The following SLCO4C1 variants were observed in gnomAD, a reference collection of about 807,000 sequenced individuals.
SLCO4C1 encodes the protein organic anion transporter M1.
SLCO4C1 carries 58 observed loss-of-function variants against 72.1 expected under a neutral mutation model. The ratio of observed to expected loss-of-function variants is 0.80; its 90% CI spans 0.65 to 1.00. SLCO4C1 has a LOEUF of 1.00. SLCO4C1 is among the 50% of genes least tolerant of loss of function. The pLI is 0.00. For synonymous variants in SLCO4C1, 297 were observed against 312.5 expected (o/e 0.95, Z 0.52); for missense variants, 898 against 857.9 (o/e 1.05, Z -0.58).
At chr5:102,268,697 GT>G (rs1749091738) in intron 3 of SLCO4C1, among the ~76,000 whole-genome samples, 1 of 152,046 alleles carries the variant, frequency 6.6e-6, no homozygotes, top group Admixed American at 6.6e-5. Context: ...GTTTCCTGTA[GT>G]GATAACATTT....
intron 8 of SLCO4C1, among the ~76,000 whole-genome samples, chr5:102,251,301 G>C (rs1456166254): frequency 6.6e-6 from 1 of 152,194 alleles, no homozygotes; most frequent in Non-Finnish European, 1.5e-5. Flanking sequence ...GTATGAATTT[G>C]AAGAAAGGGG....
intron 2 of SLCO4C1, among the ~76,000 whole-genome samples, chr5:102,273,037 T>G (rs1047939366): frequency 1.4e-4 from 21 of 152,210 alleles, no homozygotes; most frequent in Admixed American, 2.6e-4. Flanking sequence ...GTATCATGTT[T>G]TGTTCTATAA....
chr5:102,246,564 A>T (rs183070015), intron 10 of SLCO4C1, among the ~76,000 whole-genome samples: 1 of 152,312 alleles, frequency 6.6e-6, no homozygotes, highest in African/African-American at 2.4e-5. Flanking sequence ...GAAAAGCCAA[A>T]GCTACTCTAA....
At chr5:102,264,295 TGCAGTAGAATTAAATTGA>T (rs1748995402) in intron 3 of SLCO4C1, among the ~76,000 whole-genome samples, 1 of 152,238 alleles carries the variant, frequency 6.6e-6, no homozygotes, top group East Asian at 1.9e-4. Flanking sequence ...TATTTTTACT[TGCAGTAGAATTAAATTGA>T]GCTTATTTCT....
rs1347093256 is a variant in SLCO4C1 at position 102,288,976 on chromosome 5, C to T, written c.619+2367G>A. Among the ~76,000 whole-genome samples, 3 of 152,174 alleles carry T rather than the reference C, an allele frequency of 2.0e-5. No individual in the cohort carries two copies. In the East Asian group the frequency reaches 5.8e-4, roughly 29 times the overall value. ...CATGGAACTGTTTTACTGGTGTTAT[C>T]TCAACACCATGTGTAGTCCATATCA... On this transcript the variant is annotated intron_variant, in intron 2 of 12. Coordinates refer to ENST00000310954, the MANE Select transcript of SLCO4C1 (RefSeq NM_180991.5).
Position 102,270,767 on chromosome 5 carries a change from G to A in SLCO4C1, c.659C>T (p.Ser220Phe), listed in dbSNP as rs769399508. 5.0e-6 allele frequency: 8 copies of A among 1,611,170 alleles called. No individual in the cohort carries two copies. The highest frequency in any genetic ancestry group is 6.8e-6 in the Non-Finnish European group (8 of 1,178,574). ...GTAGTTAGAAAGTGAAGAAGTTGAA[G>A]ATGTACAACTGGTGCTATTCCTTGT... Reference protein sequence around the residue: ...VTTRNSTSCTSSTSSLSNYLY... With the variant: ...VTTRNSTSCTFSTSSLSNYLY... Residue 220 changes from serine (S) to phenylalanine (F), a missense_variant, in exon 3 of 13, where the codon TCT becomes TTT. Coordinates refer to ENST00000310954, the MANE Select transcript of SLCO4C1 (RefSeq NM_180991.5).
intron 1 of SLCO4C1, among the ~76,000 whole-genome samples, chr5:102,295,596 C>T (rs1749633781): frequency 6.6e-6 from 1 of 152,196 alleles, no homozygotes. Flanking sequence ...TATACCTTTC[C>T]CAAAGGAAGG....
intron 1 of SLCO4C1, among the ~76,000 whole-genome samples, chr5:102,295,108 C>T (rs529727629): frequency 1.3e-5 from 2 of 152,184 alleles, no homozygotes; most frequent in Non-Finnish European, 2.9e-5. Flanking sequence ...GTATTGAACA[C>T]ACCAGAAGCA....
At chr5:102,284,203 CA>C (rs1749407608) in intron 2 of SLCO4C1, among the ~76,000 whole-genome samples, 1 of 151,922 alleles carries the variant, frequency 6.6e-6, no homozygotes, top group Admixed American at 6.6e-5. Context: ...CAGAGAATCC[CA>C]AATTGCCTTT....
In SLCO4C1 at chr5:102,270,669, A is replaced by G; in HGVS notation, c.757T>C (p.Phe253Leu). 2 of 1,613,144 alleles carry G rather than the reference A, an allele frequency of 1.2e-6. No homozygotes were observed. Among genetic ancestry groups the G allele is most frequent in the East Asian group, 4.5e-5 (2 of 44,828 alleles). Residue 253 changes from phenylalanine to leucine, a missense_variant, in exon 3 of 13, where the codon TTT (phenylalanine) becomes CTT (leucine). Phe to Leu is a conservative substitution (Grantham distance 22). Coordinates refer to ENST00000310954, the MANE Select transcript of SLCO4C1 (RefSeq NM_180991.5). ...TGTGTGGGCACAGAATCATCAAGAAAGGCTGTTCCCAGAGTATAAAGAGGA... is the reference window on the plus strand; with the variant it reads ...TGTGTGGGCACAGAATCATCAAGAAGGGCTGTTCCCAGAGTATAAAGAGGA... ...GTPLYTLGTA[F>L]LDDSVPTHKS...
chr5:102,251,468 T>C (rs1247180235), intron 8 of SLCO4C1, among the ~76,000 whole-genome samples: 2 of 152,002 alleles, frequency 1.3e-5, no homozygotes, highest in Non-Finnish European at 2.9e-5. Flanking sequence ...CTGTTAAAAA[T>C]GGAAGAGGCT....
At chr5:102,249,853 C>G (rs536888085) in intron 8 of SLCO4C1, 65 bp from the exon 9 acceptor site, 2 of 1,514,146 alleles carry the variant, frequency 1.3e-6, no homozygotes, top group Non-Finnish European at 1.8e-6. Flanking sequence ...AATTTCGAAG[C>G]ACTGTTATAT....
chr5:102,257,824 T>C (rs1052356341), intron 7 of SLCO4C1, 119 bp downstream of exon 7: 2 of 911,270 alleles, frequency 2.2e-6, no homozygotes, highest in African/African-American at 3.5e-5. Flanking sequence ...TTCACCATGT[T>C]GGCCGGGCTG....
intron 2 of SLCO4C1, among the ~76,000 whole-genome samples, chr5:102,281,219 A>C (rs183076359): frequency 6.6e-6 from 1 of 152,298 alleles, no homozygotes; most frequent in African/African-American, 2.4e-5. Context: ...CAGACTTTTC[A>C]AATGGAGCTA....
At chr5:102,237,604 C>T (rs1748463605) in intron 12 of SLCO4C1, among the ~76,000 whole-genome samples, 1 of 151,892 alleles carries the variant, frequency 6.6e-6, no homozygotes, top group African/African-American at 2.4e-5. Context: ...AGACAGAAAC[C>T]CCGTCTCAAA....
rs759221652 is a variant in SLCO4C1, at chr5:102,260,329, AAATAT to A, written c.1022-15_1022-11del. 1,579 of 32,608 alleles carry A rather than the reference AAATAT, an allele frequency of 0.048. 40 individuals carry two copies. The highest frequency in any genetic ancestry group is 0.29 in the African/African-American group (1,194 of 4,140). 2.0% of individuals were successfully genotyped at this position (32,608 alleles called of 1,614,324 possible). A position where few individuals can be genotyped will look rare whatever the true frequency, so the allele number is the denominator to read the frequency against. Reference sequence around the variant, plus strand: ...TGAATTTCTGCTGTACCTAAAAAAAAAATATATATATATATATAATATATATATTA... The same window carrying A: ...TGAATTTCTGCTGTACCTAAAAAAAAATATATATATATAATATATATATTA... On this transcript the variant is annotated splice_polypyrimidine_tract_variant and intron_variant, in intron 5 of 12. Coordinates refer to ENST00000310954, the MANE Select transcript of SLCO4C1 (RefSeq NM_180991.5).
chr5:102,236,847 C>T lies in SLCO4C1; in HGVS notation c.*11G>A, dbSNP rs1748444768. 6.2e-7 allele frequency: 1 copy of T among 1,609,748 alleles called. No individual in the cohort carries two copies. Among genetic ancestry groups the T allele is most frequent in the South Asian group, 1.1e-5 (1 of 89,694 alleles). On this transcript the variant is annotated 3_prime_UTR_variant, in exon 13 of 13. Coordinates refer to ENST00000310954, the MANE Select transcript of SLCO4C1 (RefSeq NM_180991.5). ...TTTTCCAGGTGTAAAACAGTCTTCT[C>T]TTTTCCCATTTCACCCTTCTTTTAC...
intron 7 of SLCO4C1, 40 bp from the exon 8 acceptor site, chr5:102,257,350 A>G (rs1748856146): frequency 1.4e-6 from 2 of 1,462,450 alleles, no homozygotes; most frequent in South Asian, 1.4e-5. Context: ...GAAACCATAC[A>G]CATATACTCA....
At chr5:102,247,227 G>T in intron 10 of SLCO4C1, 25 bp downstream of exon 10, 1 of 1,456,978 alleles carries the variant, frequency 6.9e-7, no homozygotes, top group African/African-American at 1.4e-5. Context: ...CTTAGGGAAT[G>T]AAAATTTCTC....
Sources: allele counts gnomAD v4.1 joint callset (sites outside exome capture counted in the v4.1 genomes callset), GRCh38; gene constraint gnomAD v4.1.1; transcripts MANE v1.5; gene names NCBI Gene and HGNC (gene_info 2026-07-23, HGNC 2026-07-21).